The following FHIP1A variants were observed in gnomAD, a reference collection of about 807,000 sequenced individuals.
FHIP1A encodes the protein FHF complex subunit HOOK-interacting protein 1A.
A neutral mutation model predicts 88.6 loss-of-function variants in FHIP1A; 61 were observed. The ratio of observed to expected loss-of-function variants is 0.69; its 90% CI spans 0.56 to 0.85. FHIP1A has a LOEUF of 0.85. Among genes scored for constraint, FHIP1A ranks in the 40% least tolerant of loss-of-function variants. The pLI, the probability that FHIP1A is intolerant of heterozygous loss-of-function variation, is 0.00. For synonymous variants in FHIP1A, 478 were observed against 496.0 expected (o/e 0.96, Z 0.48); for missense variants, 1,154 against 1,273.5 (o/e 0.91, Z 1.43).
At chr4:151,609,826 C>T (rs1028772012) in intron 7 of FHIP1A, among the ~76,000 whole-genome samples, 12 of 151,958 alleles carry the variant, frequency 7.9e-5, no homozygotes, top group Admixed American at 2.6e-4. Context: ...GGCCTACAGC[C>T]AACTTCATAG....
intron 2 of FHIP1A, among the ~76,000 whole-genome samples, chr4:151,468,233 C>T (rs1365009407): frequency 1.0e-4 from 14 of 138,878 alleles, no homozygotes; most frequent in Non-Finnish European, 6.0e-5. Context: ...TTCAGTGAGC[C>T]GAGATTGCGC....
At position 151,650,324 on chromosome 4, in the gene FHIP1A, G is replaced by T; in HGVS notation, c.2283G>T (p.Glu761Asp). 6.4e-7 allele frequency: 1 copy of T among 1,551,716 alleles called. No individual in the cohort carries two copies. The highest frequency in any genetic ancestry group is 8.7e-7 in the Non-Finnish European group (1 of 1,147,004). ...CCCAGTATGACCAAATCATTAAAGA[G>T]CTGGATTCCGGCGCCGAGGGCTTGA... The part of the protein sequence containing the change: ...LIAQYDQIIK[E>D]LDSGAEGLME... The change falls in exon 11 of 14, where the codon GAG (glutamate) becomes GAT (aspartate). Residue 761 changes from glutamate (E) to aspartate (D), a missense_variant. Transcript: ENST00000435205.
intron 11 of FHIP1A, among the ~76,000 whole-genome samples, chr4:151,652,956 C>G (rs564953440): frequency 4.6e-5 from 7 of 152,202 alleles, no homozygotes; most frequent in Admixed American, 6.5e-5. Flanking sequence ...AATGATGTGA[C>G]TGGATCTGAA....
intron 7 of FHIP1A, among the ~76,000 whole-genome samples, chr4:151,599,851 A>C (rs1039145091): frequency 6.6e-6 from 1 of 152,178 alleles, no homozygotes; most frequent in South Asian, 2.1e-4. Context: ...ATATTTGCTT[A>C]TTATAGAGAC....
intron 3 of FHIP1A, among the ~76,000 whole-genome samples, chr4:151,565,853 TTAGAA>T (rs1733365740): frequency 6.6e-6 from 1 of 152,014 alleles, no homozygotes; most frequent in South Asian, 2.1e-4. Flanking sequence ...CTTGAGTGCT[TTAGAA>T]TAGTAATTTT....
intron 3 of FHIP1A, among the ~76,000 whole-genome samples, chr4:151,493,758 T>A (rs1247595574): frequency 6.6e-6 from 1 of 152,192 alleles, no homozygotes; most frequent in Non-Finnish European, 1.5e-5. Context: ...AAAATGTATT[T>A]GACAAAATCC....
chr4:151,551,999 A>T (rs1732753655), intron 3 of FHIP1A, among the ~76,000 whole-genome samples: 1 of 152,182 alleles, frequency 6.6e-6, no homozygotes, highest in Admixed American at 6.5e-5. Flanking sequence ...AAACAACCCC[A>T]TCAAAAGGTG....
Position 151,670,488 on chromosome 4 carries a change from T to C in FHIP1A, c.*7734T>C, listed in dbSNP as rs1397809574. The C allele has an allele frequency of 6.6e-6, 1 of 152,214 alleles. No homozygotes were observed. The highest frequency in any genetic ancestry group is 6.5e-5 in the Admixed American group (1 of 15,286). 9.4% of individuals were successfully genotyped at this position (152,214 alleles called of 1,614,324 possible). On this transcript the variant is annotated 3_prime_UTR_variant, in exon 14 of 14. Transcript: ENST00000435205. ...TTCAGTATATATTTTATTGATTAAA[T>C]TTATTGGAAAACTTATTTTTTTAAT...
At chr4:151,613,946 T>G (rs767844905) in intron 7 of FHIP1A, among the ~76,000 whole-genome samples, 13 of 152,128 alleles carry the variant, frequency 8.5e-5, no homozygotes, top group Non-Finnish European at 1.9e-4. Flanking sequence ...GTGGATCACC[T>G]GAGGTCAGGA....
chr4:151,530,841 C>CA (rs1731849074), intron 3 of FHIP1A, among the ~76,000 whole-genome samples: 1 of 152,132 alleles, frequency 6.6e-6, no homozygotes, highest in African/African-American at 2.4e-5. Context: ...GGGGCAGGTA[C>CA]AAAAACACTT....
intron 7 of FHIP1A, among the ~76,000 whole-genome samples, chr4:151,626,806 A>G (rs1735969733): frequency 6.6e-6 from 1 of 152,220 alleles, no homozygotes; most frequent in South Asian, 2.1e-4. Flanking sequence ...TGCATGAAGA[A>G]GATGCTACTT....
intron 1 of FHIP1A, among the ~76,000 whole-genome samples, chr4:151,433,441 A>G (rs1042575226): frequency 2.0e-5 from 3 of 152,062 alleles, no homozygotes; most frequent in Non-Finnish European, 4.4e-5. Flanking sequence ...GACTGGGAAG[A>G]TGGGATTTCT....
intron 7 of FHIP1A, among the ~76,000 whole-genome samples, chr4:151,609,821 A>T (rs186846636): frequency 6.6e-6 from 1 of 152,220 alleles, no homozygotes; most frequent in Non-Finnish European, 1.5e-5. Flanking sequence ...ACCTTGGCCT[A>T]CAGCCAACTT....
At chr4:151,458,712 A>C (rs752615318) in intron 2 of FHIP1A, among the ~76,000 whole-genome samples, 1 of 152,168 alleles carries the variant, frequency 6.6e-6, no homozygotes, top group Non-Finnish European at 1.5e-5. Flanking sequence ...GTTGACATTT[A>C]ATCCAGGGCT....
intron 3 of FHIP1A, among the ~76,000 whole-genome samples, chr4:151,547,445 A>G (rs1290983238): frequency 6.6e-6 from 1 of 152,220 alleles, no homozygotes; most frequent in Non-Finnish European, 1.5e-5. Context: ...GTGGAAATCC[A>G]GAATATAAAT....
At chr4:151,618,190 C>T (rs888530534) in intron 7 of FHIP1A, among the ~76,000 whole-genome samples, 6 of 152,178 alleles carry the variant, frequency 3.9e-5, no homozygotes, top group Non-Finnish European at 8.8e-5. Context: ...AAGAAAGTGG[C>T]TAGCACTCAT....
chr4:151,662,130 G>A (rs915856485), intron 13 of FHIP1A, among the ~76,000 whole-genome samples: 3 of 152,210 alleles, frequency 2.0e-5, no homozygotes, highest in Non-Finnish European at 4.4e-5. Context: ...CAGAGCAGGC[G>A]GGACTACTCA....
intron 2 of FHIP1A, among the ~76,000 whole-genome samples, chr4:151,467,377 G>C (rs557404409): frequency 6.6e-6 from 1 of 152,324 alleles, no homozygotes; most frequent in East Asian, 1.9e-4. Context: ...CTGTCGATGG[G>C]AATGCAAATT....
chr4:151,474,307 C>T (rs1489775977), intron 2 of FHIP1A, among the ~76,000 whole-genome samples: 3 of 152,136 alleles, frequency 2.0e-5, no homozygotes, highest in Non-Finnish European at 4.4e-5. Flanking sequence ...GCCTCACTAC[C>T]TTAATCTTTG....
Sources: gnomAD v4.1 joint callset for allele counts (sites outside exome capture counted in the v4.1 genomes callset) on GRCh38, gnomAD v4.1.1 for gene constraint, MANE v1.5 for transcripts, NCBI Gene and HGNC (gene_info 2026-07-23, HGNC 2026-07-21) for gene names.